GSK3B: variants seen among roughly 807,000 people sequenced by gnomAD.
The protein encoded by GSK3B is glycogen synthase kinase 3 beta.
In GSK3B, 15 loss-of-function variants were observed where a neutral mutation model predicts 56.4. The observed-to-expected ratio is 0.27, with a 90% CI of 0.18 to 0.41. GSK3B has a LOEUF of 0.41. GSK3B is among the 10% of genes least tolerant of loss of function. The pLI, the probability that GSK3B is intolerant of heterozygous loss-of-function variation, is 1.00. For missense variants in GSK3B, 300 were observed against 513.4 expected, an observed-to-expected ratio of 0.58 and a Z score of 4.02; for synonymous variants, 181 against 188.9, an observed-to-expected ratio of 0.96 and a Z score of 0.34.
chr3:120,017,072 G>T (rs376706312), intron 1 of GSK3B, among the ~76,000 whole-genome samples: 4 of 152,108 alleles, frequency 2.6e-5, no homozygotes, highest in African/African-American at 9.7e-5. Context: ...ACGCTTATCC[G>T]TTTGATTTAC....
chr3:120,087,429 G>C (rs924004539), intron 1 of GSK3B, among the ~76,000 whole-genome samples: 1 of 152,076 alleles, frequency 6.6e-6, no homozygotes, highest in Non-Finnish European at 1.5e-5. Flanking sequence ...CTACTTGGGA[G>C]GCTGAGGCAG....
intron 2 of GSK3B, among the ~76,000 whole-genome samples, chr3:119,984,442 G>T (rs2057494976): frequency 1.3e-5 from 2 of 148,694 alleles, no homozygotes; most frequent in Admixed American, 6.7e-5. Flanking sequence ...TTTTTGAAAA[G>T]ATCAACAAAA....
chr3:120,015,815 C>A (rs1437762834), intron 1 of GSK3B, among the ~76,000 whole-genome samples: 1 of 152,016 alleles, frequency 6.6e-6, no homozygotes, highest in Non-Finnish European at 1.5e-5. Flanking sequence ...CTGACTAATT[C>A]ATGTTAAACC....
intron 1 of GSK3B, among the ~76,000 whole-genome samples, chr3:120,015,987 T>A (rs570982421): frequency 6.6e-6 from 1 of 152,194 alleles, no homozygotes. Flanking sequence ...ATGTCCCACA[T>A]GTGTATTTAG....
chr3:119,987,718 T>C (rs941879436), intron 2 of GSK3B, among the ~76,000 whole-genome samples: 24 of 152,194 alleles, frequency 1.6e-4, no homozygotes, highest in African/African-American at 5.3e-4. Flanking sequence ...TAAATATGCC[T>C]ACAAGGTCTT....
At chr3:119,839,461 T>A (rs1259093324) in intron 10 of GSK3B, among the ~76,000 whole-genome samples, 1 of 152,126 alleles carries the variant, frequency 6.6e-6, no homozygotes, top group Non-Finnish European at 1.5e-5. Context: ...AAGCCAGCTA[T>A]AAACATAAAA....
At chr3:119,854,028 G>A (rs2055980160) in intron 9 of GSK3B, among the ~76,000 whole-genome samples, 1 of 151,788 alleles carries the variant, frequency 6.6e-6, no homozygotes, top group Non-Finnish European at 1.5e-5. Flanking sequence ...TCCAGTTTTT[G>A]CCCATTCAGT....
At chr3:119,936,358 T>A (rs896867767) in intron 3 of GSK3B, among the ~76,000 whole-genome samples, 3 of 144,050 alleles carry the variant, frequency 2.1e-5, no homozygotes, top group African/African-American at 8.0e-5. Context: ...ATATATATTT[T>A]TTTTTTGAGA....
At chr3:119,951,309 C>T (rs1013980558) in intron 2 of GSK3B, among the ~76,000 whole-genome samples, 9 of 152,216 alleles carry the variant, frequency 5.9e-5, no homozygotes, top group South Asian at 2.1e-4. Flanking sequence ...CAGTGGCTCA[C>T]GCCTGTAATC....
At chr3:119,936,740 A>G (rs2056998994) in intron 3 of GSK3B, among the ~76,000 whole-genome samples, 2 of 151,994 alleles carry the variant, frequency 1.3e-5, no homozygotes, top group Non-Finnish European at 2.9e-5. Context: ...CCCCCAATAC[A>G]TGAAACAAAG....
chr3:120,035,573 A>G (rs573691979), intron 1 of GSK3B, among the ~76,000 whole-genome samples: 2 of 152,374 alleles, frequency 1.3e-5, no homozygotes, highest in South Asian at 4.1e-4. Flanking sequence ...CTAGGAGAGC[A>G]CTATTATTTA....
chr3:119,915,057 A>T (rs2107456657), intron 5 of GSK3B, among the ~76,000 whole-genome samples: 1 of 152,198 alleles, frequency 6.6e-6, no homozygotes, highest in Middle Eastern at 3.4e-3. Context: ...CCTGAGTTAC[A>T]TGGGAATGTA....
intron 2 of GSK3B, among the ~76,000 whole-genome samples, chr3:119,994,093 A>C (rs1033196091): frequency 6.6e-6 from 1 of 152,024 alleles, no homozygotes; most frequent in Non-Finnish European, 1.5e-5. Flanking sequence ...CAATCTCCTG[A>C]CCTCGTGATC....
chr3:119,876,776 A>T (rs2056319702), intron 7 of GSK3B, among the ~76,000 whole-genome samples: 1 of 151,124 alleles, frequency 6.6e-6, no homozygotes, highest in Admixed American at 6.6e-5. Flanking sequence ...TCATGTCATT[A>T]AAGTGGAAGC....
chr3:119,904,800 A>G (rs1409803802), intron 7 of GSK3B, among the ~76,000 whole-genome samples: 1 of 152,164 alleles, frequency 6.6e-6, no homozygotes, highest in Admixed American at 6.5e-5. Flanking sequence ...TTTATTGTAC[A>G]TTGGACAACA....
chr3:120,078,914 T>TACACACAC (rs57127586), intron 1 of GSK3B, among the ~76,000 whole-genome samples: 11,773 of 138,142 alleles, frequency 0.085, 553 homozygotes, highest in Non-Finnish European at 0.12. Context: ...GACAGGAAAT[T>TACACACAC]ACACACACAC....
chr3:120,002,554 G>A (rs946421437), intron 1 of GSK3B, among the ~76,000 whole-genome samples: 4 of 152,058 alleles, frequency 2.6e-5, no homozygotes, highest in African/African-American at 7.2e-5. Context: ...GGCCAGGCTG[G>A]TCTTGAACTC....
At chr3:119,985,624 C>T (rs2057508525) in intron 2 of GSK3B, among the ~76,000 whole-genome samples, 1 of 152,132 alleles carries the variant, frequency 6.6e-6, no homozygotes, top group South Asian at 2.1e-4. Flanking sequence ...ATACAACTTA[C>T]AAAGAATGTG....
chr3:119,824,336 C>T lies in GSK3B; in HGVS notation c.*2452G>A. On this transcript the variant is annotated 3_prime_UTR_variant, in exon 11 of 11. Transcript: ENST00000264235. Reference sequence around the variant, plus strand: ...GAAAAATCACACATCTCAGCACACACACACACACACACACACGCACACATG... The same window carrying T: ...GAAAAATCACACATCTCAGCACACATACACACACACACACACGCACACATG... The T allele has an allele frequency of 4.6e-6, 1 of 217,846 alleles. No individual in the cohort carries two copies. The highest frequency in any genetic ancestry group is 9.2e-6 in the Non-Finnish European group (1 of 108,140). The allele number at this position is 217,846 out of a possible 1,614,324, so 13.5% of individuals were successfully genotyped here.
Sources: allele counts gnomAD v4.1 joint callset (sites outside exome capture counted in the v4.1 genomes callset), GRCh38; gene constraint gnomAD v4.1.1; transcripts MANE v1.5; gene names NCBI Gene and HGNC (gene_info 2026-07-23, HGNC 2026-07-21).